Variants in TTC39B observed in about 807,000 individuals in gnomAD.
TTC39B encodes tetratricopeptide repeat domain 39B, also known as tetratricopeptide repeat protein 39B.
Under a neutral mutation model 96.6 loss-of-function variants are expected in TTC39B, and 92 were observed. The ratio of observed to expected loss-of-function variants is 0.95; its 90% CI spans 0.80 to 1.13. The LOEUF is 1.13. TTC39B is among the 50% of genes most tolerant of loss of function. The probability of loss-of-function intolerance (pLI) is 0.00; values close to 1 mark genes in which losing one functional copy is unlikely to be tolerated. For synonymous variants in TTC39B, 367 were observed against 299.4 expected, an observed-to-expected ratio of 1.23 and a Z score of -2.33; for missense variants, 955 against 809.3, an observed-to-expected ratio of 1.18 and a Z score of -2.18.
At chr9:15,171,593 C>G (rs953526593) in exon 20 of TTC39B, 2 of 153,232 alleles carry the variant, frequency 1.3e-5, no homozygotes, top group Admixed American at 1.3e-4. Flanking sequence ...TATTTATCTT[C>G]TGAAATTTAA....
At chr9:15,223,816 C>CT (rs1228808817) in intron 3 of TTC39B, among the ~76,000 whole-genome samples, 1 of 150,460 alleles carries the variant, frequency 6.6e-6, no homozygotes, top group Non-Finnish European at 1.5e-5. Flanking sequence ...AAATCTGAAA[C>CT]TTTTTGAGCA....
intron 2 of TTC39B, among the ~76,000 whole-genome samples, chr9:15,254,074 C>A (rs1822661770): frequency 6.6e-6 from 1 of 151,838 alleles, no homozygotes; most frequent in African/African-American, 2.4e-5. Context: ...TCAAGTCTGT[C>A]CCCTTAAAAT....
chr9:15,283,288 T>C (rs1823835613), intron 1 of TTC39B, among the ~76,000 whole-genome samples: 1 of 152,250 alleles, frequency 6.6e-6, no homozygotes, highest in Non-Finnish European at 1.5e-5. Flanking sequence ...TGCAAGGCTA[T>C]TCTGATTAAT....
At chr9:15,248,993 T>A (rs1372240968) in intron 2 of TTC39B, 1 of 152,176 alleles carries the variant, frequency 6.6e-6, no homozygotes, top group African/African-American at 2.4e-5. Context: ...TTTCAGCTAA[T>A]GTAATTTTAA....
chr9:15,166,190 T>A (rs538330702), exon 20 of TTC39B: 31 of 152,342 alleles, frequency 2.0e-4, no homozygotes, highest in Middle Eastern at 3.4e-3. Flanking sequence ...TTTCACATAA[T>A]GAAGTTTGTT....
intron 19 of TTC39B, among the ~76,000 whole-genome samples, chr9:15,173,105 A>C (rs1252309632): frequency 6.6e-6 from 1 of 152,160 alleles, no homozygotes; most frequent in Non-Finnish European, 1.5e-5. Flanking sequence ...GCAGTGAGTT[A>C]CTAGTCTTTT....
chr9:15,244,007 C>A (rs921844598), intron 2 of TTC39B, among the ~76,000 whole-genome samples: 1 of 152,186 alleles, frequency 6.6e-6, no homozygotes, highest in Non-Finnish European at 1.5e-5. Context: ...TTTCCTTGCC[C>A]ATAGTCATAG....
intron 3 of TTC39B, among the ~76,000 whole-genome samples, chr9:15,219,845 G>A (rs554196850): frequency 6.6e-6 from 1 of 152,306 alleles, no homozygotes; most frequent in South Asian, 2.1e-4. Context: ...AGGCTCTACT[G>A]CCCCACACCG....
intron 8 of TTC39B, among the ~76,000 whole-genome samples, chr9:15,196,884 C>T (rs1182447155): frequency 6.6e-6 from 1 of 152,174 alleles, no homozygotes; most frequent in African/African-American, 2.4e-5. Flanking sequence ...TCACTGCTGT[C>T]CTTTTGTAAA....
rs79271035 is a variant in TTC39B, at chr9:15,203,726, A to G, written c.759+97T>C. 6.2e-3 allele frequency: 6,158 copies of G among 998,034 alleles called. 280 individuals are homozygous for G. The African/African-American group carries it at 0.09, about 15-fold the overall frequency. The allele number at this position is 998,034 out of a possible 1,614,324, so 61.8% of individuals were successfully genotyped here. A position where few individuals can be genotyped will look rare whatever the true frequency, so the allele number is the denominator to read the frequency against. ...TATTTGCCATTACAACTCTAAGTCAAAAGAACTGAAGCTTTGACATAGAAT... is the reference window on the plus strand; with the variant it reads ...TATTTGCCATTACAACTCTAAGTCAGAAGAACTGAAGCTTTGACATAGAAT... On this transcript the variant is annotated intron_variant, in intron 7 of 19. Transcript: ENST00000512701.
At chr9:15,303,688 A>G (rs1412218606) in intron 1 of TTC39B, among the ~76,000 whole-genome samples, 1 of 151,598 alleles carries the variant, frequency 6.6e-6, no homozygotes, top group African/African-American at 2.4e-5. Context: ...GCTGGAGTAC[A>G]ATGGTGCGAT....
chr9:15,279,101 C>A (rs1333250078), intron 1 of TTC39B, among the ~76,000 whole-genome samples: 3 of 152,224 alleles, frequency 2.0e-5, no homozygotes, highest in African/African-American at 7.2e-5. Flanking sequence ...ATATTTAATG[C>A]ACTTAGCACA....
chr9:15,253,385 C>A (rs1335907588), intron 2 of TTC39B, among the ~76,000 whole-genome samples: 5 of 152,142 alleles, frequency 3.3e-5, no homozygotes, highest in African/African-American at 1.2e-4. Context: ...TGGCCAAGAG[C>A]CAAAGAATGC....
intron 1 of TTC39B, among the ~76,000 whole-genome samples, chr9:15,288,122 A>G (rs1824046691): frequency 6.6e-6 from 1 of 152,188 alleles, no homozygotes; most frequent in Admixed American, 6.5e-5. Context: ...TTGCCAGATG[A>G]AAAAGCATAC....
chr9:15,199,627 C>CG (rs1564337595), intron 8 of TTC39B, among the ~76,000 whole-genome samples: 1 of 146,020 alleles, frequency 6.8e-6, no homozygotes, highest in Non-Finnish European at 1.5e-5. Context: ...CCCAGCTACT[C>CG]GGGAGGATGA....
chr9:15,214,189 G>C (rs375116350), exon 4 of TTC39B: 21 of 1,613,992 alleles, frequency 1.3e-5, no homozygotes, highest in African/African-American at 4.0e-5. Context: ...TTAGAAATAA[G>C]TTCAATGCCA....
chr9:15,199,880 T>C lies in TTC39B; in HGVS notation c.805A>G (p.Thr269Ala), dbSNP rs552439269. ...ACTTACTTATATATTTGGTAACTTG[T>C]TCTAATTTTGAGTCCACCTTTGATG... Residue 269 changes from threonine to alanine, a missense_variant, in exon 8 of 20, where the codon ACA becomes GCA. Coordinates refer to ENST00000512701, the Ensembl canonical transcript of TTC39B. 2.9e-5 allele frequency: 45 copies of C among 1,542,320 alleles called. No homozygotes were observed. In the East Asian group the frequency reaches 8.8e-4, roughly 30 times the overall value.
exon 20 of TTC39B, chr9:15,171,091 T>G (rs1466766802): frequency 6.6e-6 from 1 of 152,138 alleles, no homozygotes; most frequent in East Asian, 1.9e-4. Context: ...CTGATTCTGT[T>G]TCCCAACTAA....
chr9:15,177,665 G>C (rs1284521981), intron 18 of TTC39B, 32 bp downstream of exon 18: 1 of 1,450,020 alleles, frequency 6.9e-7, no homozygotes, highest in African/African-American at 1.4e-5. Context: ...ACCACAATTT[G>C]CACTTGGGCT....
Sources: allele counts gnomAD v4.1 joint callset (sites outside exome capture counted in the v4.1 genomes callset), GRCh38; gene constraint gnomAD v4.1.1; transcripts MANE v1.5; gene names NCBI Gene and HGNC (gene_info 2026-07-23, HGNC 2026-07-21).